The following DPP6 variants were observed in gnomAD, a reference collection of about 807,000 sequenced individuals.
DPP6 encodes A-type potassium channel modulatory protein DPP6.
In DPP6, 69 loss-of-function variants were observed where a neutral mutation model predicts 122.6. The observed-to-expected ratio is 0.56, with a 90% CI of 0.46 to 0.69. DPP6 has a LOEUF of 0.69. Ranked by LOEUF, DPP6 falls within the 30% of genes least tolerant of loss-of-function variation. The probability of loss-of-function intolerance (pLI) is 0.00; values close to 1 mark genes in which losing one functional copy is unlikely to be tolerated. For missense variants in DPP6, 928 were observed against 1,116.9 expected, an observed-to-expected ratio of 0.83 and a Z score of 2.41; for synonymous variants, 418 against 433.1, an observed-to-expected ratio of 0.97 and a Z score of 0.43.
chr7:153,772,913 TATA>T, the DPP6 span, among the ~76,000 whole-genome samples: 35 of 145,902 alleles, frequency 2.4e-4, no homozygotes, highest in African/African-American at 6.9e-4. Context: ...TATATTATTA[TATA>T]ATAATATATA....
In DPP6 at chr7:153,944,960, C is replaced by T. The variant is rs536992118; in HGVS notation, c.51+57226C>T. On this transcript the variant is annotated intron_variant, in intron 1 of 25. Coordinates refer to the DPP6 transcript ENST00000404039. ...AAACCAAGCTGTTTTTTGCCTCAAG[C>T]GCTTTGCGTTCTCTGTTCCTGCTGC... is the stretch of plus-strand genomic sequence containing the variant. Among the ~76,000 whole-genome samples the T allele has an allele frequency of 5.3e-5, 8 of 152,112 alleles. No individual in the cohort carries two copies. The East Asian group carries it at 1.2e-3, about 22-fold the overall frequency.
At chr7:153,800,714 G>A in the DPP6 span, among the ~76,000 whole-genome samples, 9 of 151,888 alleles carry the variant, frequency 5.9e-5, no homozygotes, top group East Asian at 5.8e-4. Flanking sequence ...ACGGGGTTTC[G>A]CCATGTTGGC....
intron 1 of DPP6, among the ~76,000 whole-genome samples, chr7:153,962,795 CCA>C (rs1176725771): frequency 6.6e-6 from 1 of 152,168 alleles, no homozygotes; most frequent in Non-Finnish European, 1.5e-5. Context: ...CCTTCCCACC[CCA>C]CAAATACTCT....
At chr7:153,907,213 G>T (rs191791899) in intron 1 of DPP6, among the ~76,000 whole-genome samples, 25 of 152,224 alleles carry the variant, frequency 1.6e-4, no homozygotes, top group Admixed American at 1.6e-3. Context: ...CTGTAAGATG[G>T]TATCTCATTG....
the DPP6 span, among the ~76,000 whole-genome samples, chr7:153,820,300 G>A: frequency 2.0e-5 from 3 of 152,084 alleles, no homozygotes; most frequent in African/African-American, 7.2e-5. Context: ...AAATTGATGG[G>A]TACATTACTT....
At chr7:154,263,048 A>G (rs1470201934) in intron 1 of DPP6, among the ~76,000 whole-genome samples, 1 of 152,230 alleles carries the variant, frequency 6.6e-6, no homozygotes, top group Non-Finnish European at 1.5e-5. Context: ...CTTCAATAAA[A>G]TCTGTTCCCA....
At chr7:153,938,414 C>G (rs570368339) in intron 1 of DPP6, among the ~76,000 whole-genome samples, 1 of 152,260 alleles carries the variant, frequency 6.6e-6, no homozygotes, top group Admixed American at 6.5e-5. Flanking sequence ...AAATGAGTTT[C>G]CAGGGTAGAG....
chr7:154,807,020 G>A lies in DPP6; in HGVS notation c.1574G>A (p.Arg525Lys), dbSNP rs754270910. ...YSANTVGNFN[R>K]QCLSCDLVEN... ...GCCAACACGGTGGGCAACTTCAACA[G>A]GCAGTGCCTCTCCTGTGACCTGGTT... The change falls in exon 16 of 26, where the codon AGG becomes AAG. Residue 525 changes from arginine to lysine, a missense_variant. Coordinates refer to ENST00000377770, the MANE Select transcript of DPP6 (RefSeq NM_130797.4). 1 of 1,613,894 alleles carries A rather than the reference G, an allele frequency of 6.2e-7. No homozygotes were observed. Among genetic ancestry groups the A allele is most frequent in the Non-Finnish European group, 8.5e-7 (1 of 1,179,840 alleles).
At chr7:153,994,012 ATAT>A (rs1252001322) in intron 1 of DPP6, among the ~76,000 whole-genome samples, 1 of 152,264 alleles carries the variant, frequency 6.6e-6, no homozygotes, top group Admixed American at 6.5e-5. Context: ...CAATAAGCTA[ATAT>A]TATAGAATTA....
intron 1 of DPP6, among the ~76,000 whole-genome samples, chr7:153,904,971 G>T (rs1336727110): frequency 2.0e-5 from 3 of 152,188 alleles, no homozygotes; most frequent in Non-Finnish European, 4.4e-5. Flanking sequence ...AACAAACTGT[G>T]GACAGCTGTG....
intron 1 of DPP6, among the ~76,000 whole-genome samples, chr7:154,374,605 T>TTTTTTCTTTTTTTTC (rs138780636): frequency 0.56 from 78,078 of 140,128 alleles, 23,988 homozygotes; most frequent in East Asian, 0.72. Flanking sequence ...TTTTTCTGTT[T>TTTTTTCTTTTTTTTC]TTTTTCTTTT....
intron 3 of DPP6, among the ~76,000 whole-genome samples, chr7:154,477,641 T>C (rs978057427): frequency 1.3e-5 from 2 of 152,080 alleles, no homozygotes; most frequent in African/African-American, 4.8e-5. Flanking sequence ...AGCAAATGAA[T>C]GGAGTCTGCC....
chr7:154,056,105 G>A (rs1218484050), intron 1 of DPP6, among the ~76,000 whole-genome samples: 11 of 152,202 alleles, frequency 7.2e-5, no homozygotes, highest in Admixed American at 5.2e-4. Flanking sequence ...ATAATGCATG[G>A]TCTAAATGCA....
intron 1 of DPP6, among the ~76,000 whole-genome samples, chr7:154,389,874 AT>A (rs1168862896): frequency 6.6e-6 from 1 of 152,238 alleles, no homozygotes; most frequent in African/African-American, 2.4e-5. Flanking sequence ...CAAAAGCCAG[AT>A]TAATACAATT....
chr7:153,997,737 A>C (rs965865692), intron 1 of DPP6, among the ~76,000 whole-genome samples: 4 of 147,000 alleles, frequency 2.7e-5, no homozygotes, highest in Non-Finnish European at 5.9e-5. Context: ...CAGCGACAAA[A>C]AGCTCCTAGA....
At chr7:154,590,761 C>T (rs1024081728) in intron 5 of DPP6, among the ~76,000 whole-genome samples, 13 of 151,270 alleles carry the variant, frequency 8.6e-5, no homozygotes, top group South Asian at 2.1e-4. Flanking sequence ...CTCGAACTCC[C>T]GACCTCAGGT....
intron 1 of DPP6, among the ~76,000 whole-genome samples, chr7:154,234,815 C>A (rs188060881): frequency 2.3e-4 from 35 of 152,246 alleles, no homozygotes; most frequent in African/African-American, 7.0e-4. Flanking sequence ...CATCTCCTTT[C>A]CCGTCCAGGC....
At chr7:153,834,318 A>T in the DPP6 span, among the ~76,000 whole-genome samples, 1 of 152,074 alleles carries the variant, frequency 6.6e-6, no homozygotes, top group Non-Finnish European at 1.5e-5. Flanking sequence ...CTCCTAGGAA[A>T]GATTAAAATA....
chr7:154,769,622 C>A, intron 9 of DPP6, 51 bp downstream of exon 9: 1 of 1,488,548 alleles, frequency 6.7e-7, no homozygotes, highest in Non-Finnish European at 9.0e-7. Context: ...TCATGAACAC[C>A]CCAACCCTGC....
Sources: allele counts gnomAD v4.1 joint callset (sites outside exome capture counted in the v4.1 genomes callset), GRCh38; gene constraint gnomAD v4.1.1; transcripts MANE v1.5; gene names NCBI Gene and HGNC (gene_info 2026-07-23, HGNC 2026-07-21).